ZNF416: variants seen among roughly 807,000 people sequenced by gnomAD.
ZNF416 encodes the protein zinc finger protein 416.
Under a neutral mutation model 10.9 loss-of-function variants are expected in ZNF416, and 5 were observed. The ratio of observed to expected loss-of-function variants is 0.46; its 90% CI spans 0.24 to 0.97. The LOEUF is 0.97. Among genes scored for constraint, ZNF416 ranks in the 50% least tolerant of loss-of-function variants. The probability of loss-of-function intolerance (pLI) is 0.19; values close to 1 mark genes in which losing one functional copy is unlikely to be tolerated. For synonymous variants in ZNF416, 267 were observed against 251.8 expected (o/e 1.06, Z -0.57); for missense variants, 675 against 715.0 (o/e 0.94, Z 0.64).
chr19:57,578,689 G>C lies in ZNF416; in HGVS notation c.16C>G (p.Leu6Val), dbSNP rs1253581684. 3 of 1,552,488 alleles carry C rather than the reference G, an allele frequency of 1.9e-6. No individual in the cohort carries two copies. The highest frequency in any genetic ancestry group is 1.9e-5 in the Admixed American group (1 of 52,486). ...GCACTCACCGAAGTCGAATCCCTAAGCACGGCCGCCGCCATCGGATTGTGA... is the reference window on the plus strand; with the variant it reads ...GCACTCACCGAAGTCGAATCCCTAACCACGGCCGCCGCCATCGGATTGTGA... The part of the protein sequence containing the change: MAAAV[L>V]RDSTSVPVTA... Residue 6 changes from leucine (L) to valine (V), a missense_variant, in exon 1 of 4, where the codon CTT (leucine) becomes GTT (valine). Transcript: ENST00000196489.
In ZNF416 at chr19:57,573,374, C is replaced by G; in HGVS notation, c.530G>C (p.Gly177Ala). 1 of 1,614,228 alleles carries G rather than the reference C, an allele frequency of 6.2e-7. No homozygotes were observed. Among genetic ancestry groups the G allele is most frequent in the Middle Eastern group, 1.6e-4 (1 of 6,062 alleles). ...SGMPFTSSEVGKDFLAPLGIL... is the reference protein window; with the variant it reads ...SGMPFTSSEVAKDFLAPLGIL... ...GCCCAATGGGGCTAGGAAGTCCTTC[C>G]CAACCTCACTGCTGGTGAAAGGCAT... is the stretch of plus-strand genomic sequence containing the variant. Residue 177 changes from glycine (G) to alanine (A), a missense_variant, in exon 4 of 4, where the codon GGG becomes GCG. By Grantham distance (60) the Gly-to-Ala change is moderately conservative. Transcript: ENST00000196489.
intron 2 of ZNF416, among the ~76,000 whole-genome samples, chr19:57,576,730 A>G (rs1978550688): frequency 6.6e-6 from 1 of 151,970 alleles, no homozygotes; most frequent in Non-Finnish European, 1.5e-5. Context: ...TAACTCCCAG[A>G]TGACCACCTG....
At chr19:57,576,652 A>G (rs1224598618) in intron 2 of ZNF416, among the ~76,000 whole-genome samples, 1 of 151,888 alleles carries the variant, frequency 6.6e-6, no homozygotes, top group Non-Finnish European at 1.5e-5. Context: ...CTCTTAAGTC[A>G]CAGCCTTCCT....
rs1243227569 is a variant in ZNF416 at position 57,578,536 on chromosome 19, G to A, written c.33+136C>T. ...AGCCCACGACACCAGGCTTGTAAAT[G>A]GGAGCCCCACCCGCGAGGGCCTCAT... On this transcript the variant is annotated intron_variant, in intron 1 of 3. Transcript: ENST00000196489. 4 of 983,764 alleles carry A rather than the reference G, an allele frequency of 4.1e-6. No homozygotes were observed. In the South Asian group the frequency reaches 9.4e-5, roughly 23 times the overall value. 60.9% of individuals were successfully genotyped at this position (983,764 alleles called of 1,614,324 possible). A position where few individuals can be genotyped will look rare whatever the true frequency, so the allele number is the denominator to read the frequency against.
In ZNF416 at chr19:57,572,671, C is replaced by A. The variant is rs766989850; in HGVS notation, c.1233G>T (p.Glu411Asp). Reference protein sequence around the residue: ...QRIHTTARPYECGQCGKSFSL... With the variant: ...QRIHTTARPYDCGQCGKSFSL... Reference sequence around the variant, plus strand: ...TAAATGATTTCCCACACTGGCCACACTCATAAGGCCTTGCTGTAGTGTGAA... The same window carrying A: ...TAAATGATTTCCCACACTGGCCACAATCATAAGGCCTTGCTGTAGTGTGAA... The change falls in exon 4 of 4, where the codon GAG becomes GAT. Residue 411 changes from glutamate (E) to aspartate (D), a missense_variant. Physicochemically the swap from Glu to Asp is conservative, Grantham distance 45 (BLOSUM62 2). Coordinates refer to ENST00000196489, the MANE Select transcript of ZNF416 (RefSeq NM_017879.3). This position sits in a 1 kb window ranked among gnomAD's most constrained non-coding sequence, Gnocchi z 4.5. 2.5e-6 allele frequency: 4 copies of A among 1,614,162 alleles called. No homozygotes were observed. The highest frequency in any genetic ancestry group is 3.4e-6 in the Non-Finnish European group (4 of 1,180,032).
In ZNF416 at chr19:57,578,099, C is replaced by T; in HGVS notation, c.34-1G>A. On this transcript the variant is annotated splice_acceptor_variant, in intron 1 of 3. Coordinates refer to ENST00000196489, the MANE Select transcript of ZNF416 (RefSeq NM_017879.3). LOFTEE classifies it high-confidence loss of function. ...GTTTAGCTTCTGCAGTCACGGGAAC[C>T]TGCGGGAAGAGGAAGGCTATGAGAG... is the stretch of plus-strand genomic sequence containing the variant. 1 of 1,614,202 alleles carries T rather than the reference C, an allele frequency of 6.2e-7. No homozygotes were observed. Among genetic ancestry groups the T allele is most frequent in the Non-Finnish European group, 8.5e-7 (1 of 1,180,024 alleles).
At chr19:57,577,078 C>A (rs1025456565) in intron 2 of ZNF416, among the ~76,000 whole-genome samples, 12 of 152,082 alleles carry the variant, frequency 7.9e-5, no homozygotes, top group African/African-American at 2.9e-4. Context: ...AAAGTGATCA[C>A]GATTCCACCT....
In ZNF416 at chr19:57,575,813, T is replaced by C; in HGVS notation, c.193A>G (p.Thr65Ala). The C allele has an allele frequency of 2.5e-6, 4 of 1,613,952 alleles. No homozygotes were observed. Among genetic ancestry groups the C allele is most frequent in the Non-Finnish European group, 3.4e-6 (4 of 1,179,954 alleles). ...GGTGTGAGGGCCTTACCCAGCGCAG[T>C]TATAAGTGCAAAGTTCTCCAGCATC... ...DVMLENFALI[T>A]ALVCWHGMED... is the part of the protein sequence containing the mutation. Residue 65 changes from threonine to alanine, a missense_variant, in exon 3 of 4, where the codon ACT (threonine) becomes GCT (alanine). Coordinates refer to ENST00000196489, the MANE Select transcript of ZNF416 (RefSeq NM_017879.3). The surrounding 1 kb of genome is among the most constrained non-coding windows in gnomAD (Gnocchi z 4.4).
rs984084656 is a variant in ZNF416, at chr19:57,576,541, C to T, written c.76-611G>A. On this transcript the variant is annotated intron_variant, in intron 2 of 3. Transcript: ENST00000196489. Reference sequence around the variant, plus strand: ...TTCAGAGACCCTGCTCTGAAGGCCTCCCTGCCTGACTCTGTCCCTTTCTAC... The same window carrying T: ...TTCAGAGACCCTGCTCTGAAGGCCTTCCTGCCTGACTCTGTCCCTTTCTAC... 2.6e-5 allele frequency among the ~76,000 whole-genome samples: 4 copies of T among 152,102 alleles called. No homozygotes were observed. In the East Asian group the frequency reaches 7.7e-4, roughly 29 times the overall value.
Position 57,578,858 on chromosome 19 carries a change from G to C in ZNF416, c.-154C>G. 1.4e-6 allele frequency: 1 copy of C among 702,644 alleles called. No individual in the cohort carries two copies. The allele number at this position is 702,644 out of a possible 1,614,324, so 43.5% of individuals were successfully genotyped here. The stretch of plus-strand genomic sequence containing the variant: ...CAGCGTTTCTAACTCAGGCGGCGTG[G>C]GCCGAGGTAGAGAACCACCAAAATT... On this transcript the variant is annotated 5_prime_UTR_variant, in exon 1 of 4. Transcript: ENST00000196489.
intron 3 of ZNF416, 71 bp from the exon 4 acceptor site, chr19:57,573,772 A>G (rs1418917202): frequency 6.6e-7 from 1 of 1,516,542 alleles, no homozygotes; most frequent in Non-Finnish European, 8.8e-7. Context: ...TTAAAAAACT[A>G]TTTTCTGAAT....
rs1978352295 is a variant in ZNF416, at chr19:57,572,859, T to C, written c.1045A>G (p.Thr349Ala). 1 of 1,614,024 alleles carries C rather than the reference T, an allele frequency of 6.2e-7. No homozygotes were observed. The highest frequency in any genetic ancestry group is 8.5e-7 in the Non-Finnish European group (1 of 1,179,888). The part of the protein sequence containing the change: ...SNLIEHCRIH[T>A]GERPYECDEC... ...TCACACTCATAAGGCCTTTCTCCAG[T>C]GTGAATTCTGCAATGTTCAATAAGG... Residue 349 changes from threonine (T) to alanine (A), a missense_variant, in exon 4 of 4, where the codon ACT (threonine) becomes GCT (alanine). By Grantham distance (58) the Thr-to-Ala change is moderately conservative. Coordinates refer to ENST00000196489, the MANE Select transcript of ZNF416 (RefSeq NM_017879.3). This position sits in a 1 kb window ranked among gnomAD's most constrained non-coding sequence, Gnocchi z 4.5.
intron 3 of ZNF416, 113 bp from the exon 4 acceptor site, chr19:57,573,814 T>G (rs74600491): frequency 0.025 from 33,781 of 1,372,956 alleles, 464 homozygotes; most frequent in Non-Finnish European, 0.029. Flanking sequence ...AAAACTTTGC[T>G]GGCCTGAGCT....
Position 57,575,798 on chromosome 19 carries a change from C to T in ZNF416, c.202+6G>A, listed in dbSNP as rs781082119. 5.0e-6 allele frequency: 8 copies of T among 1,613,870 alleles called. No individual in the cohort carries two copies. The East Asian group carries it at 1.6e-4, about 31-fold the overall frequency. On this transcript the variant is annotated splice_donor_region_variant and intron_variant, in intron 3 of 3. Coordinates refer to ENST00000196489, the MANE Select transcript of ZNF416 (RefSeq NM_017879.3). The surrounding 1 kb of genome is among the most constrained non-coding windows in gnomAD (Gnocchi z 4.4). ...CAGGACACGAGAGTGGGTGTGAGGG[C>T]CTTACCCAGCGCAGTTATAAGTGCA...
Position 57,575,876 on chromosome 19 carries a change from G to A in ZNF416, c.130C>T (p.Leu44Phe). The change falls in exon 3 of 4, where the codon CTC becomes TTC. Residue 44 changes from leucine to phenylalanine, a missense_variant. Physicochemically the swap from Leu to Phe is conservative, Grantham distance 22. Coordinates refer to ENST00000196489, the MANE Select transcript of ZNF416 (RefSeq NM_017879.3). This position sits in a 1 kb window ranked among gnomAD's most constrained non-coding sequence, Gnocchi z 4.4. ...AGGAGCCTCTGAGCCTCATCAAGGA[G>A]CCCCCATTCTTCCTGGGAGAAGTAA... The part of the protein sequence containing the change: ...AIYFSQEEWG[L>F]LDEAQRLLYR... 2 of 1,614,090 alleles carry A rather than the reference G, an allele frequency of 1.2e-6. No homozygotes were observed. The highest frequency in any genetic ancestry group is 8.5e-7 in the Non-Finnish European group (1 of 1,180,010).
Position 57,573,045 on chromosome 19 carries a change from C to G in ZNF416, c.859G>C (p.Asp287His). Residue 287 changes from aspartate to histidine, a missense_variant, in exon 4 of 4, where the codon GAT (aspartate) becomes CAT (histidine). Asp to His is a moderately conservative substitution (Grantham distance 81, BLOSUM62 -1). Coordinates refer to ENST00000196489, the MANE Select transcript of ZNF416 (RefSeq NM_017879.3). ...KSFSQTSHLN[D>H]HRRIHTGERP... ...TCTCCAGTGTGGATTCTCCGATGAT[C>G]ATTCAGATGAGAGGTTTGGCTAAAA... 2 of 1,614,138 alleles carry G rather than the reference C, an allele frequency of 1.2e-6. No individual in the cohort carries two copies. The highest frequency in any genetic ancestry group is 1.7e-6 in the Non-Finnish European group (2 of 1,180,034).
At chr19:57,578,591 G>C (rs1425035144) in intron 1 of ZNF416, 81 bp downstream of exon 1, 1 of 1,419,658 alleles carries the variant, frequency 7.0e-7, no homozygotes, top group Non-Finnish European at 9.3e-7. Context: ...GGGCTGCAGG[G>C]ACGCAAGCAG....
In ZNF416 at chr19:57,571,851, G is replaced by GT. The variant is rs1221636645; in HGVS notation, c.*267dup. ...CTCCAAGGGTTGGGAGAACACAGGT[G>GT]TATCTGCCTCGCCTTAGTATGCAAG... On this transcript the variant is annotated 3_prime_UTR_variant, in exon 4 of 4. Transcript: ENST00000196489. The GT allele has an allele frequency of 2.4e-6, 1 of 415,202 alleles. No individual in the cohort carries two copies. Among genetic ancestry groups the GT allele is most frequent in the African/African-American group, 2.0e-5 (1 of 50,972 alleles). The allele number at this position is 415,202 out of a possible 1,614,324, so 25.7% of individuals were successfully genotyped here. A position where few individuals can be genotyped will look rare whatever the true frequency, so the allele number is the denominator to read the frequency against.
In ZNF416 at chr19:57,572,056, GAAGA is replaced by G. The variant is rs1400010296; in HGVS notation, c.*59_*62del. On this transcript the variant is annotated 3_prime_UTR_variant, in exon 4 of 4. Transcript: ENST00000196489. This position sits in a 1 kb window ranked among gnomAD's most constrained non-coding sequence, Gnocchi z 4.5. ...AAAGGCTCTCTATAGCCATAACACT[GAAGA>G]AAGACATGGCACATTCCCTGCAGGT... The G allele has an allele frequency of 6.4e-7, 1 of 1,554,384 alleles. No individual in the cohort carries two copies. The highest frequency in any genetic ancestry group is 2.3e-5 in the East Asian group (1 of 44,336).
Sources: allele counts gnomAD v4.1 joint callset (sites outside exome capture counted in the v4.1 genomes callset), GRCh38; gene constraint gnomAD v4.1.1; non-coding constraint Gnocchi (gnomAD v3.1); transcripts MANE v1.5; gene names NCBI Gene and HGNC (gene_info 2026-07-23, HGNC 2026-07-21).